The following RBPMS variants were observed in gnomAD, a reference collection of about 807,000 sequenced individuals.
RBPMS encodes the protein RNA binding protein, mRNA processing factor, also known as RNA-binding protein with multiple splicing.
RBPMS carries 7 observed loss-of-function variants against 26.8 expected under a neutral mutation model. That is an observed-to-expected ratio of 0.26 (90% CI 0.15 to 0.49). The LOEUF is 0.49. Among genes scored for constraint, RBPMS ranks in the 20% least tolerant of loss-of-function variants. The pLI is 0.98. For synonymous variants in RBPMS, 96 were observed against 93.3 expected (o/e 1.03, Z -0.17); for missense variants, 186 against 250.0 (o/e 0.74, Z 1.73).
chr8:30,385,140 C>T lies in RBPMS; in HGVS notation c.48C>T (p.Ala16=), dbSNP rs1806858600. The part of the protein sequence containing the change: ...KAEKENTPSE[A]NLQEEEVRTL... ...AGAAGGAGAACACCCCGAGCGAGGC[C>T]AACCTTCAGGAGGAGGAGGTACTGG... is the stretch of plus-strand genomic sequence containing the variant. The change falls in exon 1 of 9, where the codon GCC becomes GCT. Residue 16 remains alanine, a synonymous_variant. Coordinates refer to ENST00000397323, the MANE Select transcript of RBPMS (RefSeq NM_001008710.3). 1 of 1,525,220 alleles carries T rather than the reference C, an allele frequency of 6.6e-7. No homozygotes were observed. Among genetic ancestry groups the T allele is most frequent in the Non-Finnish European group, 8.8e-7 (1 of 1,137,518 alleles). 94.5% of individuals were successfully genotyped at this position (1,525,220 alleles called of 1,614,324 possible). A position where few individuals can be genotyped will look rare whatever the true frequency, so the allele number is the denominator to read the frequency against.
At chr8:30,412,963 A>G (rs1353984814) in intron 1 of RBPMS, among the ~76,000 whole-genome samples, 2 of 152,152 alleles carry the variant, frequency 1.3e-5, no homozygotes, top group African/African-American at 4.8e-5. Flanking sequence ...TCACCCAAGA[A>G]CCGTATTTGT....
intron 4 of RBPMS, among the ~76,000 whole-genome samples, chr8:30,485,111 G>A (rs1201990840): frequency 6.6e-6 from 1 of 152,206 alleles, no homozygotes; most frequent in African/African-American, 2.4e-5. Flanking sequence ...GGATACCAGG[G>A]CAGTCAAGAC....
chr8:30,463,724 G>A (rs1200509578), intron 1 of RBPMS, among the ~76,000 whole-genome samples: 1 of 152,224 alleles, frequency 6.6e-6, no homozygotes, highest in East Asian at 1.9e-4. Flanking sequence ...AACTTAGGAA[G>A]GGAAAGGTTA....
At chr8:30,454,953 G>T (rs2150757530) in intron 1 of RBPMS, among the ~76,000 whole-genome samples, 2 of 152,244 alleles carry the variant, frequency 1.3e-5, no homozygotes, top group East Asian at 3.9e-4. Flanking sequence ...CTCCCAAGTA[G>T]CTGGGATTAC....
At chr8:30,443,315 TAAA>T (rs982682342) in intron 1 of RBPMS, among the ~76,000 whole-genome samples, 1 of 151,526 alleles carries the variant, frequency 6.6e-6, no homozygotes, top group African/African-American at 2.4e-5. Flanking sequence ...TAATTATGGC[TAAA>T]AAAAAATTAA....
intron 1 of RBPMS, among the ~76,000 whole-genome samples, chr8:30,391,768 G>A (rs1283552628): frequency 6.6e-6 from 1 of 152,144 alleles, no homozygotes; most frequent in Non-Finnish European, 1.5e-5. Flanking sequence ...ACATGAAGCT[G>A]AGTAAAGGGG....
chr8:30,527,955 C>T (rs1823769248), intron 5 of RBPMS, among the ~76,000 whole-genome samples: 1 of 152,140 alleles, frequency 6.6e-6, no homozygotes, highest in Non-Finnish European at 1.5e-5. Flanking sequence ...GCGGGTGGAT[C>T]ACCTGAGGTC....
intron 1 of RBPMS, among the ~76,000 whole-genome samples, chr8:30,419,859 A>C (rs1166550595): frequency 6.6e-6 from 1 of 152,216 alleles, no homozygotes; most frequent in Non-Finnish European, 1.5e-5. Context: ...AAAAACAGAT[A>C]CCATTCTTGA....
rs539767841 is a variant in RBPMS at position 30,539,437 on chromosome 8, A to G, written c.398-5057A>G. On this transcript the variant is annotated intron_variant, in intron 5 of 8. Coordinates refer to ENST00000397323, the MANE Select transcript of RBPMS (RefSeq NM_001008710.3). ...GAGTTCTGGTCTTAGTTCAGACATTATAAGTTATCTGTGAGACCTTAGATA... is the reference window on the plus strand; with the variant it reads ...GAGTTCTGGTCTTAGTTCAGACATTGTAAGTTATCTGTGAGACCTTAGATA... Among the ~76,000 whole-genome samples, 67 of 152,242 alleles carry G rather than the reference A, an allele frequency of 4.4e-4. 2 individuals are homozygous for G. In the South Asian group the frequency reaches 4.8e-3, roughly 11 times the overall value.
At chr8:30,433,145 G>A (rs1052664716) in intron 1 of RBPMS, among the ~76,000 whole-genome samples, 1 of 152,106 alleles carries the variant, frequency 6.6e-6, no homozygotes, top group South Asian at 2.1e-4. Context: ...TAATTCTACC[G>A]TTTAAAACTT....
chr8:30,511,127 C>T (rs1051201987), intron 5 of RBPMS, among the ~76,000 whole-genome samples: 1 of 151,698 alleles, frequency 6.6e-6, no homozygotes, highest in Non-Finnish European at 1.5e-5. Flanking sequence ...CCACCCTGGC[C>T]AACATGGTGA....
chr8:30,558,798 T>C, intron 6 of RBPMS, 89 bp from the exon 7 acceptor site: 1 of 1,075,314 alleles, frequency 9.3e-7, no homozygotes, highest in Non-Finnish European at 1.4e-6. Flanking sequence ...CTTGGAACAG[T>C]AGGGAAGTGG....
intron 5 of RBPMS, among the ~76,000 whole-genome samples, chr8:30,525,674 A>G (rs1186881754): frequency 6.6e-6 from 1 of 152,254 alleles, no homozygotes; most frequent in East Asian, 1.9e-4. Flanking sequence ...ATGACGTTTT[A>G]GGTCAGGAGA....
rs561015639 is a variant in RBPMS, at chr8:30,486,418, T to G, written c.246+7041T>G. Among the ~76,000 whole-genome samples, 9 of 151,310 alleles carry G rather than the reference T, an allele frequency of 5.9e-5. No individual in the cohort carries two copies. The East Asian group carries it at 1.7e-3, about 29-fold the overall frequency. On this transcript the variant is annotated intron_variant, in intron 4 of 8. Coordinates refer to ENST00000397323, the MANE Select transcript of RBPMS (RefSeq NM_001008710.3). ...CCAGGTCTGTATCCAGTGCCCCTACTTTTTACCAGGCTGGCCAACATGGTG... is the reference window on the plus strand; with the variant it reads ...CCAGGTCTGTATCCAGTGCCCCTACGTTTTACCAGGCTGGCCAACATGGTG...
At chr8:30,522,743 G>C (rs180721299) in intron 5 of RBPMS, among the ~76,000 whole-genome samples, 6 of 152,240 alleles carry the variant, frequency 3.9e-5, no homozygotes, top group Admixed American at 2.0e-4. Context: ...TTGTATATCA[G>C]TCATTTCTCA....
intron 4 of RBPMS, 71 bp downstream of exon 4, chr8:30,479,448 C>T (rs1211848762): frequency 3.7e-5 from 41 of 1,122,096 alleles, no homozygotes; most frequent in Middle Eastern, 2.0e-4. Context: ...TCTCTTTGGA[C>T]GGGAAATCAA....
chr8:30,569,404 C>T (rs1379326452), intron 8 of RBPMS, among the ~76,000 whole-genome samples: 4 of 152,142 alleles, frequency 2.6e-5, no homozygotes, highest in Non-Finnish European at 5.9e-5. Flanking sequence ...GTGAGGAGCT[C>T]AGAGGAGGAA....
At chr8:30,550,490 C>T (rs997722547) in intron 6 of RBPMS, among the ~76,000 whole-genome samples, 1 of 152,148 alleles carries the variant, frequency 6.6e-6, no homozygotes. Context: ...AGAAGGAAGC[C>T]CAGGACTAAG....
chr8:30,477,910 C>G (rs1817868220), intron 3 of RBPMS, 73 bp downstream of exon 3: 1 of 1,020,112 alleles, frequency 9.8e-7, no homozygotes, highest in Middle Eastern at 2.1e-4. Flanking sequence ...GCTTGACATT[C>G]TTTTTTTATT....
Sources: allele counts gnomAD v4.1 joint callset (sites outside exome capture counted in the v4.1 genomes callset), GRCh38; gene constraint gnomAD v4.1.1; transcripts MANE v1.5; gene names NCBI Gene and HGNC (gene_info 2026-07-23, HGNC 2026-07-21).